The following AUTS2 variants were observed in gnomAD, a reference collection of about 807,000 sequenced individuals.
AUTS2 encodes the protein autism susceptibility gene 2 protein.
A neutral mutation model predicts 112.4 loss-of-function variants in AUTS2; 17 were observed. That is an observed-to-expected ratio of 0.15 (90% CI 0.10 to 0.23). The LOEUF (loss-of-function observed/expected upper bound fraction) is 0.23. Ranked by LOEUF, AUTS2 falls within the 10% of genes least tolerant of loss-of-function variation. The pLI is 1.00. For missense variants in AUTS2, 1,510 were observed against 1,701.6 expected (o/e 0.89, Z 1.98); for synonymous variants, 751 against 702.7 (o/e 1.07, Z -1.09).
At chr7:70,352,753 T>C (rs1791824990) in intron 4 of AUTS2, among the ~76,000 whole-genome samples, 1 of 152,158 alleles carries the variant, frequency 6.6e-6, no homozygotes, top group African/African-American at 2.4e-5. Flanking sequence ...TTAAATGAAA[T>C]GCTTCGTTTA....
intron 4 of AUTS2, among the ~76,000 whole-genome samples, chr7:70,320,017 A>C (rs1352634893): frequency 6.6e-6 from 1 of 152,216 alleles, no homozygotes; most frequent in East Asian, 1.9e-4. Flanking sequence ...ACTGTCCCTG[A>C]GCACTTTAAT....
At chr7:70,393,115 G>C (rs1793935590) in intron 4 of AUTS2, among the ~76,000 whole-genome samples, 1 of 152,200 alleles carries the variant, frequency 6.6e-6, no homozygotes, top group South Asian at 2.1e-4. Flanking sequence ...GGAATGCTCA[G>C]AGGGGCTCCT....
At chr7:70,628,355 G>GTA (rs889180509) in intron 5 of AUTS2, among the ~76,000 whole-genome samples, 30 of 6,356 alleles carry the variant, frequency 4.7e-3, no homozygotes, top group South Asian at 0.017. Flanking sequence ...ATATATATAT[G>GTA]TATATATATA....
chr7:70,048,764 C>T (rs1051256647), intron 2 of AUTS2, among the ~76,000 whole-genome samples: 3 of 152,094 alleles, frequency 2.0e-5, no homozygotes, highest in African/African-American at 7.2e-5. Context: ...GTTTTTCTTA[C>T]TGTAATATCA....
intron 4 of AUTS2, among the ~76,000 whole-genome samples, chr7:70,399,191 GGTT>G (rs1414006396): frequency 2.0e-5 from 3 of 151,396 alleles, no homozygotes; most frequent in Non-Finnish European, 4.4e-5. Flanking sequence ...GTTCTCCCTA[GGTT>G]GCCCAGGCTG....
chr7:70,388,642 A>G (rs1442576290), intron 4 of AUTS2, among the ~76,000 whole-genome samples: 9 of 152,226 alleles, frequency 5.9e-5, no homozygotes, highest in African/African-American at 1.9e-4. Context: ...ATTATAAGAT[A>G]CTTTCACATC....
chr7:70,074,453 A>C (rs1191851489), intron 2 of AUTS2, among the ~76,000 whole-genome samples: 1 of 152,208 alleles, frequency 6.6e-6, no homozygotes, highest in Admixed American at 6.5e-5. Flanking sequence ...CACTGGCCAC[A>C]TAAAAATGAT....
At chr7:69,747,015 C>T (rs557241968) in intron 1 of AUTS2, among the ~76,000 whole-genome samples, 2 of 152,166 alleles carry the variant, frequency 1.3e-5, no homozygotes, top group Non-Finnish European at 2.9e-5. Flanking sequence ...TCGGAAAGAT[C>T]GTGGCAGAAG....
chr7:70,094,036 T>C (rs1023584718), intron 2 of AUTS2, among the ~76,000 whole-genome samples: 1 of 152,222 alleles, frequency 6.6e-6, no homozygotes, highest in Non-Finnish European at 1.5e-5. Flanking sequence ...AAAGCATGTA[T>C]TGACTCTCTT....
intron 1 of AUTS2, among the ~76,000 whole-genome samples, chr7:69,650,460 T>G (rs1257001873): frequency 6.6e-6 from 1 of 152,336 alleles, no homozygotes; most frequent in East Asian, 1.9e-4. Flanking sequence ...TCCTGGCCAC[T>G]GTAAAGTACT....
intron 5 of AUTS2, among the ~76,000 whole-genome samples, chr7:70,549,011 T>G (rs1800911354): frequency 6.6e-6 from 1 of 152,096 alleles, no homozygotes; most frequent in African/African-American, 2.4e-5. Context: ...AATTGCCTTT[T>G]TAACAATATT....
At chr7:70,594,567 CTG>C (rs1803102680) in intron 5 of AUTS2, among the ~76,000 whole-genome samples, 1 of 152,214 alleles carries the variant, frequency 6.6e-6, no homozygotes, top group Admixed American at 6.5e-5. Context: ...CTTCTAGACT[CTG>C]TGTATTCAAG....
At chr7:70,736,122 T>C (rs996767389) in intron 6 of AUTS2, among the ~76,000 whole-genome samples, 2 of 151,908 alleles carry the variant, frequency 1.3e-5, no homozygotes, top group Admixed American at 1.3e-4. Flanking sequence ...CCAAAACAAA[T>C]CCCATTTTCA....
chr7:70,266,539 A>T (rs561806710), intron 4 of AUTS2, among the ~76,000 whole-genome samples: 22 of 152,324 alleles, frequency 1.4e-4, no homozygotes, highest in East Asian at 5.8e-4. Context: ...AAGAACATTT[A>T]AAAAAATTAA....
At chr7:69,693,379 A>G (rs1797426607) in intron 1 of AUTS2, among the ~76,000 whole-genome samples, 1 of 152,230 alleles carries the variant, frequency 6.6e-6, no homozygotes, top group African/African-American at 2.4e-5. Context: ...TCATGCCATG[A>G]CAAGTTTTTT....
chr7:70,486,949 G>A (rs1388518988), intron 5 of AUTS2, among the ~76,000 whole-genome samples: 3 of 138,392 alleles, frequency 2.2e-5, no homozygotes, highest in Non-Finnish European at 4.6e-5. Flanking sequence ...CACTTTAAAA[G>A]CTGAAGCAGA....
intron 2 of AUTS2, among the ~76,000 whole-genome samples, chr7:70,006,774 A>AATGTCTAT (rs985404927): frequency 6.6e-6 from 1 of 152,112 alleles, no homozygotes; most frequent in African/African-American, 2.4e-5. Context: ...GCAGACTTTT[A>AATGTCTAT]ATGTCTATGG....
intron 2 of AUTS2, among the ~76,000 whole-genome samples, chr7:69,939,797 G>T (rs896962645): frequency 6.6e-6 from 1 of 152,154 alleles, no homozygotes; most frequent in African/African-American, 2.4e-5. Context: ...GTCAATTGAT[G>T]ATTGGCATTT....
chr7:69,825,705 C>T (rs1223803574), intron 1 of AUTS2: 1 of 152,072 alleles, frequency 6.6e-6, no homozygotes, highest in Non-Finnish European at 1.5e-5. Context: ...AGCCTTTTTA[C>T]TTAATCCCTG....
Sources: allele counts gnomAD v4.1 joint callset (sites outside exome capture counted in the v4.1 genomes callset), GRCh38; gene constraint gnomAD v4.1.1; transcripts MANE v1.5; gene names NCBI Gene and HGNC (gene_info 2026-07-23, HGNC 2026-07-21).